Variants in ZNF782 observed in about 807,000 individuals in gnomAD.
The protein encoded by ZNF782 is zinc finger protein 782.
ZNF782 carries 12 observed loss-of-function variants against 13.0 expected under a neutral mutation model. The ratio of observed to expected loss-of-function variants is 0.92; its 90% CI spans 0.59 to 1.50. The LOEUF is 1.50. Among genes scored for constraint, ZNF782 ranks in the 40% most tolerant of loss-of-function variants. The pLI is 0.00. For synonymous variants in ZNF782, 284 were observed against 283.0 expected (o/e 1.00, Z -0.04); for missense variants, 770 against 822.9 (o/e 0.94, Z 0.79).
At chr9:96,824,348 T>C (rs928530247) in intron 5 of ZNF782, among the ~76,000 whole-genome samples, 1 of 148,128 alleles carries the variant, frequency 6.8e-6, no homozygotes, top group Non-Finnish European at 1.5e-5. Context: ...TTGACAAAAT[T>C]CAACAACCCT....
At chr9:96,931,921 C>G in the ZNF782 span, 16 of 1,612,002 alleles carry the variant, frequency 9.9e-6, no homozygotes, top group African/African-American at 1.5e-4. Context: ...ATGGCCGCGG[C>G]CCAAGTGGGG....
At chr9:96,856,238 G>A (rs1420909471), upstream of ZNF782, among the ~76,000 whole-genome samples, 1 of 152,158 alleles carries the variant, frequency 6.6e-6, no homozygotes, top group African/African-American at 2.4e-5. Context: ...GGTGAGCTGC[G>A]AGGTGTTGTT....
upstream of ZNF782, among the ~76,000 whole-genome samples, chr9:96,877,539 G>C (rs1166656330): frequency 1.3e-5 from 2 of 152,240 alleles, no homozygotes; most frequent in African/African-American, 4.8e-5. Context: ...TCTCCCGCCT[G>C]GCTCCGCCAA....
At chr9:96,920,026 C>T in the ZNF782 span, among the ~76,000 whole-genome samples, 1 of 151,312 alleles carries the variant, frequency 6.6e-6, no homozygotes, top group African/African-American at 2.4e-5. Flanking sequence ...AGCTAAGACA[C>T]AGGATTAAGA....
chr9:96,872,874 C>A (rs1178749311), intron 1 of ZNF782, among the ~76,000 whole-genome samples: 2 of 152,102 alleles, frequency 1.3e-5, no homozygotes, highest in Non-Finnish European at 2.9e-5. Flanking sequence ...TAGGTCAATA[C>A]ACCAAAGAGA....
At chr9:96,899,148 T>G in the ZNF782 span, among the ~76,000 whole-genome samples, 1 of 151,212 alleles carries the variant, frequency 6.6e-6, no homozygotes, top group South Asian at 2.1e-4. Context: ...CTTACTATAA[T>G]GTTTTCAAGG....
the ZNF782 span, chr9:96,892,996 G>A: frequency 1.3e-5 from 2 of 151,862 alleles, no homozygotes; most frequent in Admixed American, 6.6e-5. Flanking sequence ...AACACCCTCG[G>A]AGCGCTCACT....
At chr9:96,907,222 G>A in the ZNF782 span, among the ~76,000 whole-genome samples, 1 of 152,138 alleles carries the variant, frequency 6.6e-6, no homozygotes, top group Non-Finnish European at 1.5e-5. Flanking sequence ...GATGAACCTT[G>A]AGGACATTAC....
intron 4 of ZNF782, among the ~76,000 whole-genome samples, chr9:96,834,649 C>T (rs950796246): frequency 6.6e-6 from 1 of 152,184 alleles, no homozygotes; most frequent in Admixed American, 6.5e-5. Flanking sequence ...TGAAGCTGTC[C>T]AATTTGGGAC....
the ZNF782 span, among the ~76,000 whole-genome samples, chr9:96,917,583 C>T: frequency 2.0e-5 from 3 of 151,758 alleles, no homozygotes; most frequent in East Asian, 5.8e-4. Flanking sequence ...AGGCGCCCAC[C>T]ACCACGCCCA....
At chr9:96,851,562 G>A (rs1207270497) in intron 3 of ZNF782, among the ~76,000 whole-genome samples, 1 of 152,140 alleles carries the variant, frequency 6.6e-6, no homozygotes, top group Admixed American at 6.5e-5. Context: ...TTACCATAAA[G>A]TGCTAGGAAA....
intron 3 of ZNF782, among the ~76,000 whole-genome samples, chr9:96,848,637 T>A (rs190832380): frequency 6.6e-6 from 1 of 152,096 alleles, no homozygotes; most frequent in African/African-American, 2.4e-5. Flanking sequence ...AGGTGAAAGA[T>A]CTCTACAAGA....
the ZNF782 span, among the ~76,000 whole-genome samples, chr9:96,900,177 G>A: frequency 6.6e-6 from 1 of 150,948 alleles, no homozygotes; most frequent in South Asian, 2.1e-4. Flanking sequence ...ACAGAGCTGG[G>A]TCCCAGGCAA....
chr9:96,840,423 A>C (rs1293403355), intron 4 of ZNF782, among the ~76,000 whole-genome samples: 1 of 152,034 alleles, frequency 6.6e-6, no homozygotes, highest in Non-Finnish European at 1.5e-5. Context: ...TTCTTTGAAA[A>C]AGTAAAAAAG....
intron 4 of ZNF782, among the ~76,000 whole-genome samples, chr9:96,844,630 G>T (rs1435252712): frequency 1.3e-5 from 2 of 152,100 alleles, no homozygotes; most frequent in African/African-American, 4.8e-5. Flanking sequence ...AGAATCTTCT[G>T]GGGGGTGATA....
chr9:96,907,430 A>G, the ZNF782 span, among the ~76,000 whole-genome samples: 1 of 152,258 alleles, frequency 6.6e-6, no homozygotes, highest in Admixed American at 6.5e-5. Flanking sequence ...GCACAACAAT[A>G]TGAATATATT....
At chr9:96,917,919 T>C in the ZNF782 span, among the ~76,000 whole-genome samples, 26 of 150,526 alleles carry the variant, frequency 1.7e-4, no homozygotes, top group East Asian at 1.8e-3. Flanking sequence ...TGTGTGTGTG[T>C]GTGTGTGTGT....
the ZNF782 span, among the ~76,000 whole-genome samples, chr9:96,911,730 G>A: frequency 6.6e-6 from 1 of 151,334 alleles, no homozygotes; most frequent in African/African-American, 2.4e-5. Flanking sequence ...CCGTGTTAGC[G>A]AGGATGGTCT....
chr9:96,933,200 A>G, the ZNF782 span, among the ~76,000 whole-genome samples: 92 of 148,090 alleles, frequency 6.2e-4, 1 homozygote, highest in East Asian at 7.3e-3. Context: ...GGATGCTCTC[A>G]ATCTCCTGCC....
Sources: allele counts gnomAD v4.1 joint callset (sites outside exome capture counted in the v4.1 genomes callset), GRCh38; gene constraint gnomAD v4.1.1; transcripts MANE v1.5; gene names NCBI Gene and HGNC (gene_info 2026-07-23, HGNC 2026-07-21).